Variants in FAM186B observed in about 807,000 individuals in gnomAD.
FAM186B encodes family with sequence similarity 186 member B.
A neutral mutation model predicts 83.4 loss-of-function variants in FAM186B; 68 were observed. The observed-to-expected ratio is 0.81, with a 90% CI of 0.67 to 1.00. The LOEUF is 1.00. Among genes scored for constraint, FAM186B ranks in the 50% least tolerant of loss-of-function variants. The pLI, the probability that FAM186B is intolerant of heterozygous loss-of-function variation, is 0.00. For synonymous variants in FAM186B, 389 were observed against 422.0 expected, an observed-to-expected ratio of 0.92 and a Z score of 0.96; for missense variants, 983 against 1,099.2, an observed-to-expected ratio of 0.89 and a Z score of 1.49.
intron 5 of FAM186B, among the ~76,000 whole-genome samples, chr12:49,595,878 G>A (rs543440455): frequency 3.9e-5 from 6 of 152,306 alleles, no homozygotes; most frequent in Non-Finnish European, 7.4e-5. Flanking sequence ...CCAGCTACTC[G>A]GGAGGCTGAG....
chr12:49,613,472 G>T, the FAM186B span, among the ~76,000 whole-genome samples: 1 of 151,134 alleles, frequency 6.6e-6, no homozygotes, highest in Non-Finnish European at 1.5e-5. Context: ...GCTTGCAGTG[G>T]GCCCAGATCA....
At chr12:49,587,279 C>T (rs1417225949), downstream of FAM186B, among the ~76,000 whole-genome samples, 1 of 152,154 alleles carries the variant, frequency 6.6e-6, no homozygotes. Context: ...CCTGGCTCCC[C>T]TGAGAACCAC....
chr12:49,596,195 CTG>C (rs560882018), intron 5 of FAM186B, among the ~76,000 whole-genome samples: 197 of 152,122 alleles, frequency 1.3e-3, no homozygotes, highest in South Asian at 0.011. Flanking sequence ...CAAAGTGTGT[CTG>C]TACATTTCTT....
At chr12:49,614,218 C>T in the FAM186B span, among the ~76,000 whole-genome samples, 16 of 151,982 alleles carry the variant, frequency 1.1e-4, no homozygotes, top group South Asian at 1.4e-3. Flanking sequence ...TCCCATTACT[C>T]GGTATACACC....
rs757210686 is a variant in FAM186B, at chr12:49,599,712, C to G, written c.1928G>C (p.Arg643Pro). ...CTGCAAAGAGGGCCAGGTCAGCCTT[C>G]GGATGGATGTCCCAGTGACAGGAAA... ...ASFPVTGTSI[R>P]RLTWPSLQIS... Residue 643 changes from arginine to proline, a missense_variant, in exon 4 of 7, where the codon CGA (arginine) becomes CCA (proline). Coordinates refer to ENST00000257894, the MANE Select transcript of FAM186B (RefSeq NM_032130.3). The G allele has an allele frequency of 6.2e-7, 1 of 1,613,340 alleles. No individual in the cohort carries two copies. The highest frequency in any genetic ancestry group is 2.2e-5 in the East Asian group (1 of 44,866).
At chr12:49,603,400 C>T (rs1446569122) in intron 2 of FAM186B, 33 bp from the exon 3 acceptor site, 3 of 1,610,548 alleles carry the variant, frequency 1.9e-6, no homozygotes, top group Admixed American at 1.7e-5. Flanking sequence ...AGGCTGAGAG[C>T]AGTCTGTCCT....
In FAM186B at chr12:49,587,744, C is replaced by T. The variant is rs1240069818; in HGVS notation, c.2543G>A (p.Gly848Glu). The T allele has an allele frequency of 6.2e-7, 1 of 1,612,714 alleles. No individual in the cohort carries two copies. The highest frequency in any genetic ancestry group is 8.5e-7 in the Non-Finnish European group (1 of 1,179,448). Residue 848 changes from glycine (G) to glutamate (E), a missense_variant, in exon 7 of 7, where the codon GGG becomes GAG. Gly to Glu is a moderately conservative substitution (Grantham distance 98). Coordinates refer to ENST00000257894, the MANE Select transcript of FAM186B (RefSeq NM_032130.3). ...CVPLQMARQQGKQMEAVWKTE... is the reference protein window; with the variant it reads ...CVPLQMARQQEKQMEAVWKTE... ...CTTCCAGACAGCCTCCATCTGCTTC[C>T]CCTGTTGGCTGGGAGTGGGGAGTTT...
Position 49,600,080 on chromosome 12 carries a change from C to A in FAM186B, c.1560G>T (p.Gln520His). ...LEQEHQEKLR[Q>H]WNLEDLAREQ... ...CCCTGGCCAGGTCTTCCAGATTCCA[C>A]TGCCGCAGCTTCTCCTGATGCTCCT... Residue 520 changes from glutamine to histidine, a missense_variant, in exon 4 of 7, where the codon CAG becomes CAT. Gln to His is a conservative substitution (Grantham distance 24). Transcript: ENST00000257894. This position sits in a 1 kb window ranked among gnomAD's most constrained non-coding sequence, Gnocchi z 4.3. 2 of 1,608,088 alleles carry A rather than the reference C, an allele frequency of 1.2e-6. No individual in the cohort carries two copies. The highest frequency in any genetic ancestry group is 1.1e-5 in the South Asian group (1 of 90,154).
At chr12:49,617,571 CATTTACATTATA>C in the FAM186B span, among the ~76,000 whole-genome samples, 4 of 152,162 alleles carry the variant, frequency 2.6e-5, no homozygotes, top group African/African-American at 9.7e-5. Flanking sequence ...TATTAGTACA[CATTTACATTATA>C]AGTTTAATTT....
At chr12:49,616,756 G>T in the FAM186B span, among the ~76,000 whole-genome samples, 1 of 152,216 alleles carries the variant, frequency 6.6e-6, no homozygotes, top group Non-Finnish European at 1.5e-5. Flanking sequence ...AAAGGTTTTT[G>T]AGTAAAGGAA....
At position 49,600,927 on chromosome 12, in the gene FAM186B, G is replaced by T. The variant is rs1261035721; in HGVS notation, c.713C>A (p.Thr238Asn). ...GEVRAIRYMATVVENLNKALI... is the reference protein window; with the variant it reads ...GEVRAIRYMANVVENLNKALI... ...GGCCTTGTTGAGGTTCTCCACCACA[G>T]TGGCCATGTACCTGATGGCCCTGAC... Residue 238 changes from threonine (T) to asparagine (N), a missense_variant, in exon 4 of 7, where the codon ACT becomes AAT. By Grantham distance (65) the Thr-to-Asn change is moderately conservative (BLOSUM62 0). Coordinates refer to ENST00000257894, the MANE Select transcript of FAM186B (RefSeq NM_032130.3). The surrounding 1 kb of genome is among the most constrained non-coding windows in gnomAD (Gnocchi z 4.3). The T allele has an allele frequency of 6.2e-7, 1 of 1,614,164 alleles. No individual in the cohort carries two copies. Among genetic ancestry groups the T allele is most frequent in the Non-Finnish European group, 8.5e-7 (1 of 1,180,010 alleles).
At chr12:49,620,847 C>T in the FAM186B span, among the ~76,000 whole-genome samples, 1 of 152,058 alleles carries the variant, frequency 6.6e-6, no homozygotes, top group African/African-American at 2.4e-5. Flanking sequence ...GAATTGTAAA[C>T]GTTAAACATA....
At chr12:49,613,899 A>G in the FAM186B span, among the ~76,000 whole-genome samples, 3 of 152,014 alleles carry the variant, frequency 2.0e-5, no homozygotes, top group African/African-American at 4.8e-5. Context: ...CCGTAACCCT[A>G]GCACTTTGGG....
chr12:49,605,262 T>A (rs1385267963), intron 1 of FAM186B, 120 bp downstream of exon 1: 2 of 1,533,166 alleles, frequency 1.3e-6, no homozygotes, highest in Non-Finnish European at 1.8e-6. Flanking sequence ...AGACCCAGGT[T>A]GCTGAATATC....
intron 5 of FAM186B, among the ~76,000 whole-genome samples, chr12:49,591,090 G>A (rs934320496): frequency 3.3e-5 from 5 of 152,222 alleles, no homozygotes; most frequent in African/African-American, 9.6e-5. Flanking sequence ...TCCCCAAAAG[G>A]AATGAAACAA....
rs529517940 is a variant in FAM186B, at chr12:49,601,076, G to T, written c.564C>A (p.Ser188=). The change falls in exon 4 of 7, where the codon TCC becomes TCA. Residue 188 remains serine (S), a synonymous_variant. Coordinates refer to ENST00000257894, the MANE Select transcript of FAM186B (RefSeq NM_032130.3). ...GTTCTGGGCTTAGTGGCTGAGGATGGGATGGAGATGTCTGTGGGCTTCTTC... is the reference window on the plus strand; with the variant it reads ...GTTCTGGGCTTAGTGGCTGAGGATGTGATGGAGATGTCTGTGGGCTTCTTC... ...WQGRSPQTSP[S]HPQPLSPEQM... 1.2e-6 allele frequency: 2 copies of T among 1,604,410 alleles called. No homozygotes were observed. The highest frequency in any genetic ancestry group is 2.2e-5 in the South Asian group (2 of 90,266).
intron 3 of FAM186B, among the ~76,000 whole-genome samples, chr12:49,602,598 A>G (rs796354969): frequency 1.7e-4 from 26 of 152,350 alleles, no homozygotes; most frequent in African/African-American, 6.3e-4. Flanking sequence ...CAGAGATGCA[A>G]TTCAAACTCT....
rs1196578062 is a variant in FAM186B at position 49,601,031 on chromosome 12, A to G, written c.609T>C (p.His203=). Residue 203 remains histidine, a synonymous_variant, in exon 4 of 7, where the codon CAT becomes CAC. Coordinates refer to ENST00000257894, the MANE Select transcript of FAM186B (RefSeq NM_032130.3). The stretch of plus-strand genomic sequence containing the variant: ...CCTCCGAGGCCTTCGTGTTCATGGT[A>G]TGCTGGTCCTGGAGCATCTGTTCTG... The part of the protein sequence containing the change: ...LSPEQMLQDQ[H]TMNTKASEVT... The G allele has an allele frequency of 6.2e-7, 1 of 1,614,024 alleles. No homozygotes were observed. The highest frequency in any genetic ancestry group is 8.5e-7 in the Non-Finnish European group (1 of 1,180,018).
At chr12:49,612,374 T>G in the FAM186B span, among the ~76,000 whole-genome samples, 5 of 151,752 alleles carry the variant, frequency 3.3e-5, no homozygotes, top group Non-Finnish European at 7.4e-5. Context: ...AAAGTTTTTT[T>G]TTTTTTTTTT....
Sources: gnomAD v4.1 joint callset for allele counts (sites outside exome capture counted in the v4.1 genomes callset) on GRCh38, gnomAD v4.1.1 for gene constraint, Gnocchi (gnomAD v3.1) non-coding constraint, MANE v1.5 for transcripts, NCBI Gene and HGNC (gene_info 2026-07-23, HGNC 2026-07-21) for gene names.